Variants in LAMB4 observed in about 807,000 individuals in gnomAD.
LAMB4 encodes laminin subunit beta-4.
In LAMB4, 196 loss-of-function variants were observed where a neutral mutation model predicts 199.2. That is an observed-to-expected ratio of 0.98 (90% confidence interval 0.88 to 1.11). LAMB4 has a LOEUF of 1.11. Among genes scored for constraint, LAMB4 ranks in the 50% least tolerant of loss-of-function variants. LAMB4 has a pLI of 0.00. For missense variants in LAMB4, 2,080 were observed against 2,171.2 expected, an observed-to-expected ratio of 0.96 and a Z score of 0.83; for synonymous variants, 744 against 770.6, an observed-to-expected ratio of 0.97 and a Z score of 0.57.
chr7:108,125,958 C>T (rs1365535371), intron 1 of LAMB4, among the ~76,000 whole-genome samples: 1 of 152,132 alleles, frequency 6.6e-6, no homozygotes, highest in African/African-American at 2.4e-5. Flanking sequence ...TGTACATCAG[C>T]CAGGTTTAAA....
chr7:108,123,309 C>T lies in LAMB4; in HGVS notation c.-33-112G>A, dbSNP rs539830149. The T allele has an allele frequency of 2.6e-4, 148 of 568,956 alleles. 3 individuals carry two copies. Among genetic ancestry groups the T allele is most frequent in the South Asian group, 1.9e-3 (73 of 39,156 alleles). 35.2% of individuals were successfully genotyped at this position (568,956 alleles called of 1,614,324 possible). ...GAATGGTTCTTATGCTTTAGACATA[C>T]GAAATAACCACACTGTCCAGATCCT... On this transcript the variant is annotated intron_variant, in intron 1 of 33. Coordinates refer to ENST00000388781, the MANE Select transcript of LAMB4 (RefSeq NM_007356.3).
In LAMB4 at chr7:108,034,357, A is replaced by C. The variant is rs772092025; in HGVS notation, c.4680-11T>G. The C allele has an allele frequency of 3.2e-6, 5 of 1,577,158 alleles. No homozygotes were observed. The African/African-American group carries it at 6.7e-5, about 21-fold the overall frequency. On this transcript the variant is annotated splice_polypyrimidine_tract_variant and intron_variant, in intron 30 of 33. Coordinates refer to ENST00000388781, the MANE Select transcript of LAMB4 (RefSeq NM_007356.3). Reference sequence around the variant, plus strand: ...ATATTTGCTGCTTTCCTAAGGTAAGATATTAACATATCAGATTAGATAAAT... The same window carrying C: ...ATATTTGCTGCTTTCCTAAGGTAAGCTATTAACATATCAGATTAGATAAAT...
rs57814646 is a variant in LAMB4, at chr7:108,059,097, CTTTTTTTT to C, written c.3283-1177_3283-1170del. Among the ~76,000 whole-genome samples, 6 of 107,842 alleles carry C rather than the reference CTTTTTTTT, an allele frequency of 5.6e-5. No homozygotes were observed. The East Asian group carries it at 1.7e-3, about 30-fold the overall frequency. 70.7% of individuals were successfully genotyped at this position (107,842 alleles called of 152,430 possible). A position where few individuals can be genotyped will look rare whatever the true frequency, so the allele number is the denominator to read the frequency against. On this transcript the variant is annotated intron_variant, in intron 23 of 33. Transcript: ENST00000388781. ...TCTTATACCGAAGTACAATCTGCCA[CTTTTTTTT>C]TTTTTTTTTTTTTTTTTTGAGATGG...
chr7:108,069,497 A>G (rs866391074), intron 18 of LAMB4, among the ~76,000 whole-genome samples: 2 of 152,358 alleles, frequency 1.3e-5, no homozygotes, highest in South Asian at 2.1e-4. Flanking sequence ...CATCTAGCCT[A>G]TAAATGCTGC....
intron 10 of LAMB4, 40 bp from the exon 11 acceptor site, chr7:108,098,622 T>C: frequency 6.6e-7 from 1 of 1,519,486 alleles, no homozygotes. Flanking sequence ...TAATTGCAAA[T>C]TGTGGGAAGC....
At chr7:108,126,732 T>A (rs1230548928) in intron 1 of LAMB4, among the ~76,000 whole-genome samples, 1 of 137,534 alleles carries the variant, frequency 7.3e-6, no homozygotes, top group Non-Finnish European at 1.5e-5. Context: ...GCCCGACTAA[T>A]TTTTTTTTTG....
intron 15 of LAMB4, among the ~76,000 whole-genome samples, chr7:108,078,551 G>A (rs2036797100): frequency 6.6e-6 from 1 of 152,080 alleles, no homozygotes; most frequent in Non-Finnish European, 1.5e-5. Context: ...TCATGAGCCT[G>A]GAAAAACCTT....
At chr7:108,033,840 T>C (rs1203977772) in intron 31 of LAMB4, among the ~76,000 whole-genome samples, 1 of 151,942 alleles carries the variant, frequency 6.6e-6, no homozygotes, top group Non-Finnish European at 1.5e-5. Flanking sequence ...CTTTGGTTTT[T>C]GTGAGCTTTT....
intron 29 of LAMB4, among the ~76,000 whole-genome samples, 159 bp downstream of exon 29, chr7:108,043,593 T>C (rs1204860022): frequency 1.5e-4 from 13 of 89,206 alleles, no homozygotes; most frequent in Middle Eastern, 9.9e-3. Context: ...TTTTTTTTTT[T>C]TTTTGAGACG....
chr7:108,088,620 A>T (rs912693158), intron 14 of LAMB4, among the ~76,000 whole-genome samples: 5 of 152,226 alleles, frequency 3.3e-5, no homozygotes, highest in South Asian at 2.1e-4. Context: ...AATTCTTCAT[A>T]AGATGCAGTT....
intron 2 of LAMB4, among the ~76,000 whole-genome samples, chr7:108,122,321 G>A (rs1463920510): frequency 6.6e-6 from 1 of 152,186 alleles, no homozygotes; most frequent in East Asian, 1.9e-4. Context: ...CCAGTCCTGG[G>A]ATGTGGAGGA....
chr7:108,103,299 A>C, intron 9 of LAMB4, 67 bp from the exon 10 acceptor site: 1 of 1,337,510 alleles, frequency 7.5e-7, no homozygotes, highest in Non-Finnish European at 1.0e-6. Flanking sequence ...GTGCCCCCGC[A>C]CTGGTCAGGG....
At chr7:108,041,171 A>G (rs984447356) in intron 29 of LAMB4, among the ~76,000 whole-genome samples, 6 of 152,344 alleles carry the variant, frequency 3.9e-5, no homozygotes, top group Admixed American at 1.3e-4. Flanking sequence ...ATCATTAGAG[A>G]AATGCAAATC....
chr7:108,065,639 G>T, intron 21 of LAMB4, 123 bp downstream of exon 21: 1 of 680,460 alleles, frequency 1.5e-6, no homozygotes, highest in Non-Finnish European at 2.3e-6. Flanking sequence ...ATCACATTGT[G>T]TCTTCTTACC....
intron 13 of LAMB4, 42 bp from the exon 14 acceptor site, chr7:108,091,818 T>G: frequency 1.2e-6 from 2 of 1,605,914 alleles, no homozygotes; most frequent in Non-Finnish European, 1.7e-6. Context: ...GCAAAGTAGG[T>G]GAGCGGAAAA....
chr7:108,106,595 T>C, intron 6 of LAMB4, 23 bp from the exon 7 acceptor site: 1 of 1,291,068 alleles, frequency 7.7e-7, no homozygotes, highest in Non-Finnish European at 1.1e-6. Flanking sequence ...TATAGATACA[T>C]TTATAGTATA....
At chr7:108,108,148 G>A (rs919641712) in intron 5 of LAMB4, among the ~76,000 whole-genome samples, 1 of 152,086 alleles carries the variant, frequency 6.6e-6, no homozygotes, top group African/African-American at 2.4e-5. Flanking sequence ...TGCCCAGACT[G>A]TTCTCAAACT....
chr7:108,117,404 T>C (rs149192326), intron 2 of LAMB4, among the ~76,000 whole-genome samples: 105 of 152,328 alleles, frequency 6.9e-4, no homozygotes, highest in African/African-American at 2.3e-3. Context: ...TACATTTTGG[T>C]AAGCAATAAT....
intron 28 of LAMB4, among the ~76,000 whole-genome samples, chr7:108,044,848 G>A (rs1297162367): frequency 1.3e-5 from 2 of 151,286 alleles, no homozygotes; most frequent in South Asian, 2.1e-4. Flanking sequence ...AGCTACTGGG[G>A]AGGCTGAGGC....
Sources: allele counts gnomAD v4.1 joint callset (sites outside exome capture counted in the v4.1 genomes callset), GRCh38; gene constraint gnomAD v4.1.1; transcripts MANE v1.5; gene names NCBI Gene and HGNC (gene_info 2026-07-23, HGNC 2026-07-21).